Variants in ZNF69 observed in about 807,000 individuals in gnomAD.
ZNF69 encodes ZNF3.
In ZNF69, 47 loss-of-function variants were observed where a neutral mutation model predicts 50.9. The observed-to-expected ratio is 0.92, with a 90% confidence interval of 0.73 to 1.18. ZNF69 has a LOEUF of 1.18. ZNF69 is among the 50% of genes most tolerant of loss of function. ZNF69 has a pLI of 0.00. For synonymous variants in ZNF69, 216 were observed against 223.1 expected (o/e 0.97, Z 0.29); for missense variants, 717 against 675.1 (o/e 1.06, Z -0.69).
chr19:11,890,184 C>A (rs972773507), intron 1 of ZNF69, among the ~76,000 whole-genome samples: 1 of 152,150 alleles, frequency 6.6e-6, no homozygotes, highest in African/African-American at 2.4e-5. Context: ...CAGCACAGAC[C>A]CTTTAGGGGT....
the ZNF69 span, among the ~76,000 whole-genome samples, chr19:11,928,512 C>CA: frequency 6.7e-6 from 1 of 150,206 alleles, no homozygotes; most frequent in Non-Finnish European, 1.5e-5. Context: ...GCGGGCGGAT[C>CA]ACGAGGTCAG....
the ZNF69 span, among the ~76,000 whole-genome samples, chr19:11,944,232 C>T: frequency 1.2e-4 from 19 of 152,222 alleles, no homozygotes; most frequent in African/African-American, 4.6e-4. Context: ...TCAGGGAGTG[C>T]CTGGAAGTCC....
At position 11,906,067 on chromosome 19, in the gene ZNF69, C is replaced by A. The variant is rs757687071; in HGVS notation, c.1670C>A (p.Pro557His). The A allele has an allele frequency of 6.2e-7, 1 of 1,612,876 alleles. No individual in the cohort carries two copies. Among genetic ancestry groups the A allele is most frequent in the South Asian group, 1.1e-5 (1 of 90,950 alleles). The change falls in exon 4 of 4, where the codon CCT (proline) becomes CAT (histidine). Residue 557 changes from proline to histidine, a missense_variant. By Grantham distance (77) the Pro-to-His change is moderately conservative. Coordinates refer to ENST00000429654, the MANE Select transcript of ZNF69 (RefSeq NM_001364730.1). ...CTTCGAATGCATGGTAGGACTCACCCTGAAGATAAACCCTATGAGTGTAAG... is the reference window on the plus strand; with the variant it reads ...CTTCGAATGCATGGTAGGACTCACCATGAAGATAAACCCTATGAGTGTAAG... ...SVLRMHGRTHPEDKPYECKQ is the reference protein window; with the variant it reads ...SVLRMHGRTHHEDKPYECKQ
chr19:11,890,877 A>G (rs1487595417), intron 1 of ZNF69, among the ~76,000 whole-genome samples: 1 of 152,168 alleles, frequency 6.6e-6, no homozygotes, highest in Non-Finnish European at 1.5e-5. Context: ...CCTTATTTGG[A>G]CTTGCCAGCC....
At chr19:11,919,881 T>C in the ZNF69 span, among the ~76,000 whole-genome samples, 117 of 152,282 alleles carry the variant, frequency 7.7e-4, no homozygotes, top group Non-Finnish European at 1.3e-3. Flanking sequence ...ACTGAGTCCA[T>C]GGTATTTTGT....
the ZNF69 span, among the ~76,000 whole-genome samples, chr19:11,964,234 G>T: frequency 6.6e-6 from 1 of 152,332 alleles, no homozygotes; most frequent in African/African-American, 2.4e-5. Flanking sequence ...AAGCTGCAGA[G>T]CCCTGGAAAG....
chr19:11,937,903 G>A, the ZNF69 span, among the ~76,000 whole-genome samples: 3 of 152,086 alleles, frequency 2.0e-5, no homozygotes, highest in Non-Finnish European at 4.4e-5. Context: ...GCTGGAGATT[G>A]CAATTTTTTG....
chr19:11,921,965 GT>G, the ZNF69 span, among the ~76,000 whole-genome samples: 1 of 152,202 alleles, frequency 6.6e-6, no homozygotes, highest in African/African-American at 2.4e-5. Context: ...AAGGCCCAGA[GT>G]GTGGCAAGGC....
At chr19:11,939,140 G>C in the ZNF69 span, among the ~76,000 whole-genome samples, 12 of 152,250 alleles carry the variant, frequency 7.9e-5, no homozygotes, top group Non-Finnish European at 1.5e-4. Context: ...TTTGTCAGAT[G>C]GGTAGATTGT....
chr19:11,946,807 C>T, the ZNF69 span: 7,203 of 166,074 alleles, frequency 0.043, 213 homozygotes, highest in Non-Finnish European at 0.068. Flanking sequence ...ATTTTTCTTT[C>T]GAGACAAGAC....
At chr19:11,943,658 A>G in the ZNF69 span, among the ~76,000 whole-genome samples, 1 of 152,176 alleles carries the variant, frequency 6.6e-6, no homozygotes, top group Non-Finnish European at 1.5e-5. Context: ...TATACAGGCA[A>G]GTTCCTTTTA....
the ZNF69 span, among the ~76,000 whole-genome samples, chr19:11,923,553 C>T: frequency 6.6e-6 from 1 of 152,186 alleles, no homozygotes; most frequent in Non-Finnish European, 1.5e-5. Context: ...CCACATCCAT[C>T]TCCAGCTCTC....
At chr19:11,953,409 A>G in the ZNF69 span, 2 of 152,250 alleles carry the variant, frequency 1.3e-5, no homozygotes, top group Non-Finnish European at 2.9e-5. Context: ...AAGGGTGTTC[A>G]TATGCCAGGA....
chr19:11,905,655 C>T lies in ZNF69; in HGVS notation c.1258C>T (p.Gln420Ter), dbSNP rs777327587. Residue 420 changes from glutamine (Q) to a stop codon, truncating the protein, a stop_gained, in exon 4 of 4, where the codon CAA (glutamine) becomes TAA (stop). Transcript: ENST00000429654. LOFTEE classifies it high-confidence loss of function. The stretch of plus-strand genomic sequence containing the variant: ...TGGAGAGAAACCCTATGAGTGTAAG[C>T]AATGTGGGAAGGCCTTCAGATCTTC... Reference protein sequence around the residue: ...HTGEKPYECKQCGKAFRSSSH... With the variant: ...HTGEKPYECK 3.7e-6 allele frequency: 6 copies of T among 1,613,756 alleles called. No homozygotes were observed. The highest frequency in any genetic ancestry group is 2.7e-5 in the African/African-American group (2 of 74,836).
At chr19:11,955,409 T>C in the ZNF69 span, among the ~76,000 whole-genome samples, 1 of 151,350 alleles carries the variant, frequency 6.6e-6, no homozygotes, top group Non-Finnish European at 1.5e-5. Flanking sequence ...TTTTTTTTTT[T>C]TTGAGACAAG....
chr19:11,934,044 A>G, the ZNF69 span, among the ~76,000 whole-genome samples: 1 of 147,260 alleles, frequency 6.8e-6, no homozygotes, highest in African/African-American at 2.7e-5. Flanking sequence ...TTATTCACCT[A>G]CTGAAAGGCT....
At chr19:11,949,878 A>T in the ZNF69 span, 1 of 1,613,922 alleles carries the variant, frequency 6.2e-7, no homozygotes. Context: ...CTGGAGAGAA[A>T]CCCTATGAGT....
the ZNF69 span, chr19:11,926,625 G>T: frequency 6.5e-6 from 1 of 154,172 alleles, no homozygotes; most frequent in African/African-American, 2.4e-5. Context: ...CTGACCTCAA[G>T]TGATCCACCC....
chr19:11,905,566 G>T lies in ZNF69; in HGVS notation c.1169G>T (p.Cys390Phe), dbSNP rs1266073421. ...CACAGTGGAGAGAAACCCTATAAAT[G>T]CAAGCAATGTGGTAAAGCCTTCATT... is the stretch of plus-strand genomic sequence containing the variant. ...KTHSGEKPYK[C>F]KQCGKAFIHS... Residue 390 changes from cysteine (C) to phenylalanine (F), a missense_variant, in exon 4 of 4, where the codon TGC (cysteine) becomes TTC (phenylalanine). Physicochemically the swap from Cys to Phe is radical, Grantham distance 205. Transcript: ENST00000429654. The T allele has an allele frequency of 6.2e-7, 1 of 1,613,782 alleles. No individual in the cohort carries two copies. Among genetic ancestry groups the T allele is most frequent in the Non-Finnish European group, 8.5e-7 (1 of 1,180,002 alleles).
Sources: gnomAD v4.1 joint callset for allele counts (sites outside exome capture counted in the v4.1 genomes callset) on GRCh38, gnomAD v4.1.1 for gene constraint, MANE v1.5 for transcripts, NCBI Gene and HGNC (gene_info 2026-07-23, HGNC 2026-07-21) for gene names.